FERMT2: variants seen among roughly 807,000 people sequenced by gnomAD.
FERMT2 encodes FERM domain containing kindlin 2, also known as fermitin family homolog 2.
FERMT2 carries 15 observed loss-of-function variants against 82.7 expected under a neutral mutation model. The observed-to-expected ratio is 0.18, with a 90% confidence interval of 0.12 to 0.28. FERMT2 has a LOEUF of 0.28. Ranked by LOEUF, FERMT2 falls within the 10% of genes least tolerant of loss-of-function variation. The pLI is 1.00. For synonymous variants in FERMT2, 274 were observed against 271.5 expected (o/e 1.01, Z -0.09); for missense variants, 645 against 809.4 (o/e 0.80, Z 2.46).
chr14:52,914,984 A>G (rs1351144216), intron 3 of FERMT2, among the ~76,000 whole-genome samples: 1 of 152,168 alleles, frequency 6.6e-6, no homozygotes. Context: ...GAGAATCAAT[A>G]AATTATCAGA....
Position 52,875,342 on chromosome 14 carries a change from G to A in FERMT2, c.979C>T (p.Leu327=). 1 of 1,601,436 alleles carries A rather than the reference G, an allele frequency of 6.2e-7. No homozygotes were observed. The highest frequency in any genetic ancestry group is 1.1e-5 in the South Asian group (1 of 89,552). Residue 327 remains leucine (L), a synonymous_variant, in exon 8 of 15, where the codon CTG becomes TTG. Transcript: ENST00000341590. ...TGATTCTCTGATGTCATGATTGACAGCTTATTGATATGATACTGAAACCAG... is the reference window on the plus strand; with the variant it reads ...TGATTCTCTGATGTCATGATTGACAACTTATTGATATGATACTGAAACCAG... ...FAALQYHINK[L]SIMTSENHLN... is the part of the protein sequence containing the mutation.
intron 4 of FERMT2, among the ~76,000 whole-genome samples, chr14:52,887,330 T>C (rs1290455600): frequency 2.0e-5 from 3 of 151,640 alleles, no homozygotes; most frequent in Non-Finnish European, 2.9e-5. Context: ...CTGGGAAACA[T>C]GGCAAAACCT....
intron 7 of FERMT2, 27 bp downstream of exon 7, chr14:52,878,555 G>A: frequency 7.3e-7 from 1 of 1,371,124 alleles, no homozygotes; most frequent in Non-Finnish European, 1.0e-6. Flanking sequence ...ACCGGAATAA[G>A]TCCCATTTAC....
chr14:52,925,710 C>T (rs1889228562), intron 2 of FERMT2, among the ~76,000 whole-genome samples: 1 of 152,092 alleles, frequency 6.6e-6, no homozygotes, highest in Non-Finnish European at 1.5e-5. Flanking sequence ...GTGATCTCAA[C>T]TCATTGCAAC....
chr14:52,863,771 G>A (rs1238813451), intron 12 of FERMT2: 1 of 152,106 alleles, frequency 6.6e-6, no homozygotes, highest in Non-Finnish European at 1.5e-5. Flanking sequence ...ATTTCAACAA[G>A]AGCAGGTATT....
intron 3 of FERMT2, among the ~76,000 whole-genome samples, chr14:52,899,392 C>A (rs1025131661): frequency 1.3e-5 from 2 of 152,196 alleles, no homozygotes; most frequent in Non-Finnish European, 2.9e-5. Context: ...AAGCGATTCC[C>A]CTGCCTCAGC....
intron 2 of FERMT2, among the ~76,000 whole-genome samples, chr14:52,937,706 T>C (rs895675990): frequency 2.0e-5 from 3 of 152,214 alleles, no homozygotes; most frequent in Non-Finnish European, 2.9e-5. Flanking sequence ...ATGTACCTTA[T>C]ATTCCCACAC....
rs190900473 is a variant in FERMT2, at chr14:52,886,599, G to A, written c.527-5130C>T. ...TCTGAAGTCATTTATAAGAACTAGG[G>A]AGACTTCTCTGCTTTGACACAAATC... On this transcript the variant is annotated intron_variant, in intron 4 of 14. Transcript: ENST00000341590. 4.5e-3 allele frequency among the ~76,000 whole-genome samples: 689 copies of A among 152,262 alleles called. 6 individuals carry two copies. Among genetic ancestry groups the A allele is most frequent in the African/African-American group, 0.016 (651 of 41,552 alleles).
chr14:52,907,700 A>G (rs1888095858), intron 3 of FERMT2, among the ~76,000 whole-genome samples: 1 of 152,124 alleles, frequency 6.6e-6, no homozygotes. Flanking sequence ...GCAACCATTA[A>G]AATAGCAAAA....
Position 52,919,215 on chromosome 14 carries a change from C to T in FERMT2, c.299G>A (p.Arg100His), listed in dbSNP as rs141887548. 20 of 1,613,868 alleles carry T rather than the reference C, an allele frequency of 1.2e-5. No individual in the cohort carries two copies. Among genetic ancestry groups the T allele is most frequent in the African/African-American group, 5.3e-5 (4 of 74,878 alleles). ...ATACTTCATGTTGGGAAGCTGCAGGCGGAGCAGTTTGTGCTGAGGGGTGAA... is the reference window on the plus strand; with the variant it reads ...ATACTTCATGTTGGGAAGCTGCAGGTGGAGCAGTTTGTGCTGAGGGGTGAA... Reference protein sequence around the residue: ...LQFTPQHKLLRLQLPNMKYVK... With the variant: ...LQFTPQHKLLHLQLPNMKYVK... Residue 100 changes from arginine to histidine, a missense_variant, in exon 3 of 15, where the codon CGC (arginine) becomes CAC (histidine). Arg to His is a conservative substitution (Grantham distance 29, BLOSUM62 0). Transcript: ENST00000341590.
chr14:52,888,317 A>G (rs767500941), intron 4 of FERMT2, among the ~76,000 whole-genome samples: 1 of 152,218 alleles, frequency 6.6e-6, no homozygotes, highest in Non-Finnish European at 1.5e-5. Context: ...GGGTTGCTCA[A>G]TCTAAATTAC....
intron 14 of FERMT2, 124 bp downstream of exon 14, chr14:52,859,449 G>T: frequency 1.1e-6 from 1 of 902,776 alleles, no homozygotes; most frequent in Non-Finnish European, 1.6e-6. Context: ...GTCAACCATG[G>T]TCTGTCTGTA....
intron 3 of FERMT2, among the ~76,000 whole-genome samples, chr14:52,911,980 C>T (rs79071450): frequency 0.081 from 12,385 of 152,042 alleles, 610 homozygotes; most frequent in Middle Eastern, 0.13. Flanking sequence ...AGGAACCCTG[C>T]TCTGTGATAT....
chr14:52,933,957 ATCATGCACCAGTACCAGC>A (rs1000525462), intron 2 of FERMT2, among the ~76,000 whole-genome samples: 1 of 151,942 alleles, frequency 6.6e-6, no homozygotes, highest in Non-Finnish European at 1.5e-5. Context: ...AACTGGCAAA[ATCATGCACCAGTACCAGC>A]TCAAATATTA....
chr14:52,915,017 G>A (rs1397052997), intron 3 of FERMT2, among the ~76,000 whole-genome samples: 1 of 151,880 alleles, frequency 6.6e-6, no homozygotes, highest in Non-Finnish European at 1.5e-5. Context: ...GTTCAGTAAG[G>A]TATCAGATAT....
At chr14:52,950,730 C>CG (rs1261992282) in intron 1 of FERMT2, 153 bp from the exon 2 acceptor site, 2 of 672,684 alleles carry the variant, frequency 3.0e-6, no homozygotes, top group Admixed American at 2.9e-5. Context: ...GCCGGGGCTG[C>CG]GGGAGGACCC....
intron 12 of FERMT2, 181 bp from the exon 13 acceptor site, chr14:52,860,646 C>T (rs557524522): frequency 1.1e-4 from 64 of 597,958 alleles, no homozygotes; most frequent in Middle Eastern, 1.0e-3. Context: ...AAGGATTTTT[C>T]AAAATAAGTC....
intron 13 of FERMT2, 96 bp from the exon 14 acceptor site, chr14:52,859,810 G>C (rs1160170941): frequency 4.6e-6 from 3 of 658,268 alleles, no homozygotes; most frequent in Middle Eastern, 2.7e-4. Flanking sequence ...AACCCTAAAA[G>C]AGTACTATTC....
chr14:52,938,271 AAAC>A lies in FERMT2; in HGVS notation c.157+12138_157+12140del, dbSNP rs556759446. Among the ~76,000 whole-genome samples the A allele has an allele frequency of 3.3e-3, 509 of 152,368 alleles. 1 individual carries two copies. Among genetic ancestry groups the A allele is most frequent in the Non-Finnish European group, 5.4e-3 (370 of 68,040 alleles). The stretch of plus-strand genomic sequence containing the variant: ...GTTAAATACTACATAAATAAAATGA[AAAC>A]AAAGCAATCAGAATACTGAAAATCA... On this transcript the variant is annotated intron_variant, in intron 2 of 14. Transcript: ENST00000341590.
Sources: gnomAD v4.1 joint callset for allele counts (sites outside exome capture counted in the v4.1 genomes callset) on GRCh38, gnomAD v4.1.1 for gene constraint, MANE v1.5 for transcripts, NCBI Gene and HGNC (gene_info 2026-07-23, HGNC 2026-07-21) for gene names.